The following GRIA4 variants were observed in gnomAD, a reference collection of about 807,000 sequenced individuals.
GRIA4 encodes glutamate ionotropic receptor AMPA type subunit 4.
Under a neutral mutation model 104.0 loss-of-function variants are expected in GRIA4, and 34 were observed. The ratio of observed to expected loss-of-function variants is 0.33; its 90% confidence interval spans 0.25 to 0.44. The LOEUF is 0.44. Among genes scored for constraint, GRIA4 ranks in the 20% least tolerant of loss-of-function variants. The probability of loss-of-function intolerance (pLI) is 1.00; values close to 1 mark genes in which losing one functional copy is unlikely to be tolerated. For synonymous variants in GRIA4, 386 were observed against 381.9 expected (o/e 1.01, Z -0.13); for missense variants, 750 against 1,096.5 (o/e 0.68, Z 4.46).
chr11:105,927,864 C>T (rs1947759435), intron 13 of GRIA4, among the ~76,000 whole-genome samples: 1 of 151,870 alleles, frequency 6.6e-6, no homozygotes, highest in Non-Finnish European at 1.5e-5. Flanking sequence ...AAAACGAACA[C>T]ATTTTATATT....
At chr11:105,628,733 T>G (rs1317594414) in intron 3 of GRIA4, among the ~76,000 whole-genome samples, 1 of 152,192 alleles carries the variant, frequency 6.6e-6, no homozygotes, top group Admixed American at 6.5e-5. Flanking sequence ...CCTTTAGCAT[T>G]TTATTCTTTA....
intron 3 of GRIA4, among the ~76,000 whole-genome samples, chr11:105,739,412 A>G (rs1169275071): frequency 6.6e-6 from 1 of 152,292 alleles, no homozygotes; most frequent in East Asian, 1.9e-4. Context: ...TCTCATTGTG[A>G]TCTTTGATGG....
chr11:105,839,625 C>A (rs555384048), intron 4 of GRIA4, among the ~76,000 whole-genome samples: 2 of 151,660 alleles, frequency 1.3e-5, no homozygotes, highest in Admixed American at 1.3e-4. Context: ...AAATAAGAAC[C>A]CCAGCCCAAG....
At chr11:105,714,822 C>CGT (rs963850110) in intron 3 of GRIA4, among the ~76,000 whole-genome samples, 8 of 150,514 alleles carry the variant, frequency 5.3e-5, no homozygotes, top group African/African-American at 1.7e-4. Context: ...TGTGTGTGTT[C>CGT]GTGTGTGTGT....
At chr11:105,644,979 C>A (rs185537531) in intron 3 of GRIA4, among the ~76,000 whole-genome samples, 1 of 152,116 alleles carries the variant, frequency 6.6e-6, no homozygotes. Context: ...CTAAGCAGTG[C>A]GTGACTGGTA....
At chr11:105,890,319 G>GT (rs1207498198) in intron 6 of GRIA4, among the ~76,000 whole-genome samples, 2 of 152,138 alleles carry the variant, frequency 1.3e-5, no homozygotes, top group Non-Finnish European at 2.9e-5. Flanking sequence ...AAGAAACAAA[G>GT]TAAGGAATGT....
chr11:105,685,760 A>G (rs1453546918), intron 3 of GRIA4, among the ~76,000 whole-genome samples: 1 of 152,196 alleles, frequency 6.6e-6, no homozygotes, highest in Non-Finnish European at 1.5e-5. Context: ...TATTAGCAGG[A>G]TTATAGGGGA....
At chr11:105,665,638 A>C (rs943570311) in intron 3 of GRIA4, among the ~76,000 whole-genome samples, 56 of 151,974 alleles carry the variant, frequency 3.7e-4, no homozygotes, top group Non-Finnish European at 8.8e-5. Flanking sequence ...CAAAGCTATT[A>C]ATTAATTCCT....
intron 6 of GRIA4, among the ~76,000 whole-genome samples, chr11:105,894,362 C>T (rs1946567402): frequency 6.6e-6 from 1 of 152,030 alleles, no homozygotes; most frequent in African/African-American, 2.4e-5. Flanking sequence ...TTCTTCACCC[C>T]CCCGAGCCTG....
chr11:105,934,063 CAT>C (rs1947960406), intron 14 of GRIA4, 94 bp downstream of exon 14: 1 of 1,046,200 alleles, frequency 9.6e-7, no homozygotes, highest in African/African-American at 1.6e-5. Flanking sequence ...TGTGTGTGAA[CAT>C]GGTATGTTTG....
intron 3 of GRIA4, among the ~76,000 whole-genome samples, chr11:105,688,373 G>A (rs1159857696): frequency 6.6e-5 from 10 of 151,794 alleles, no homozygotes; most frequent in Admixed American, 2.0e-4. Flanking sequence ...CCTGGCTAGC[G>A]TGGTGAAACC....
intron 4 of GRIA4, among the ~76,000 whole-genome samples, chr11:105,821,892 CTGATCTCACTG>C (rs555956645): frequency 6.6e-6 from 1 of 152,132 alleles, no homozygotes; most frequent in Non-Finnish European, 1.5e-5. Flanking sequence ...CCGAGTCAGG[CTGATCTCACTG>C]CTGCTTCGAG....
chr11:105,743,804 T>A (rs757515024), intron 3 of GRIA4, among the ~76,000 whole-genome samples: 1 of 152,204 alleles, frequency 6.6e-6, no homozygotes, highest in South Asian at 2.1e-4. Context: ...TCATTCAAGA[T>A]ACAAACAAGA....
At chr11:105,720,476 G>T (rs544145626) in intron 3 of GRIA4, among the ~76,000 whole-genome samples, 1 of 152,186 alleles carries the variant, frequency 6.6e-6, no homozygotes, top group South Asian at 2.1e-4. Context: ...TTTCTCAAAA[G>T]ATGTGAAAAT....
At chr11:105,838,548 G>A (rs903963634) in intron 4 of GRIA4, among the ~76,000 whole-genome samples, 19 of 152,122 alleles carry the variant, frequency 1.2e-4, no homozygotes, top group African/African-American at 4.6e-4. Flanking sequence ...TATTTCCTTT[G>A]GTTAGTAGGT....
intron 3 of GRIA4, among the ~76,000 whole-genome samples, chr11:105,688,017 T>C (rs77911059): frequency 0.014 from 2,123 of 152,240 alleles, 26 homozygotes; most frequent in Non-Finnish European, 0.025. Flanking sequence ...TAGACCTAAG[T>C]AGAGAACAAA....
chr11:105,695,460 CTGTGTGTGTGTG>C (rs745358395), intron 3 of GRIA4, among the ~76,000 whole-genome samples: 1 of 124,644 alleles, frequency 8.0e-6, no homozygotes, highest in Non-Finnish European at 1.7e-5. Context: ...GTGTGTGTGT[CTGTGTGTGTGTG>C]TGTGTCTGTG....
intron 4 of GRIA4, among the ~76,000 whole-genome samples, chr11:105,786,678 G>A (rs1941982825): frequency 6.6e-6 from 1 of 152,076 alleles, no homozygotes; most frequent in African/African-American, 2.4e-5. Context: ...GTGTATGTGT[G>A]GTATTTTTGT....
chr11:105,851,601 C>T (rs1944812026), intron 4 of GRIA4, among the ~76,000 whole-genome samples: 1 of 152,112 alleles, frequency 6.6e-6, no homozygotes, highest in African/African-American at 2.4e-5. Flanking sequence ...TTAGAAGTTG[C>T]CAGTGAGTGT....
Sources: gnomAD v4.1 joint callset for allele counts (sites outside exome capture counted in the v4.1 genomes callset) on GRCh38, gnomAD v4.1.1 for gene constraint, MANE v1.5 for transcripts, NCBI Gene and HGNC (gene_info 2026-07-23, HGNC 2026-07-21) for gene names.